PGBD5: variants seen among roughly 807,000 people sequenced by gnomAD.
The protein encoded by PGBD5 is piggyBac transposable element derived 5.
PGBD5 carries 14 observed loss-of-function variants against 47.9 expected under a neutral mutation model. The ratio of observed to expected loss-of-function variants is 0.29; its 90% CI spans 0.19 to 0.46. The LOEUF is 0.46. Ranked by LOEUF, PGBD5 falls within the 20% of genes least tolerant of loss-of-function variation. The probability of loss-of-function intolerance (pLI) is 1.00; values close to 1 mark genes in which losing one functional copy is unlikely to be tolerated. For missense variants in PGBD5, 635 were observed against 716.0 expected (o/e 0.89, Z 1.29); for synonymous variants, 316 against 306.3 (o/e 1.03, Z -0.33).
At chr1:230,361,823 C>T (rs1261825866) in intron 1 of PGBD5, among the ~76,000 whole-genome samples, 1 of 152,236 alleles carries the variant, frequency 6.6e-6, no homozygotes, top group Non-Finnish European at 1.5e-5. Flanking sequence ...AGAGCTGTGC[C>T]TACAAGAAGG....
chr1:230,345,759 T>C (rs1308884389), intron 3 of PGBD5, among the ~76,000 whole-genome samples: 13 of 152,250 alleles, frequency 8.5e-5, no homozygotes, highest in Admixed American at 8.5e-4. Context: ...TAAACAACCA[T>C]GAAATATTCA....
intron 1 of PGBD5, among the ~76,000 whole-genome samples, chr1:230,372,275 G>A (rs142281609): frequency 1.3e-5 from 2 of 152,332 alleles, no homozygotes; most frequent in African/African-American, 4.8e-5. Flanking sequence ...TTACAGAGCA[G>A]TTTCGTTGCT....
intron 1 of PGBD5, among the ~76,000 whole-genome samples, chr1:230,417,869 G>A (rs146190813): frequency 3.0e-4 from 46 of 152,338 alleles, no homozygotes; most frequent in African/African-American, 1.0e-3. Flanking sequence ...ATTAATAGGA[G>A]GCACATCTCA....
chr1:230,339,445 T>C (rs1667377664), intron 3 of PGBD5, among the ~76,000 whole-genome samples: 2 of 152,190 alleles, frequency 1.3e-5, no homozygotes, highest in African/African-American at 4.8e-5. Flanking sequence ...GCAAACAGTA[T>C]GGAAGTTCCT....
chr1:230,368,367 A>G (rs1030179386), intron 1 of PGBD5, among the ~76,000 whole-genome samples: 1 of 152,262 alleles, frequency 6.6e-6, no homozygotes. Context: ...GCTAAAGTGC[A>G]AACATGAAAT....
At chr1:230,324,008 G>C (rs1667077505) in intron 6 of PGBD5, among the ~76,000 whole-genome samples, 1 of 152,188 alleles carries the variant, frequency 6.6e-6, no homozygotes, top group Non-Finnish European at 1.5e-5. Context: ...CTCCCCCAAG[G>C]CCAAGCTCTT....
intron 4 of PGBD5, among the ~76,000 whole-genome samples, chr1:230,335,208 C>T (rs1667286479): frequency 1.5e-4 from 2 of 13,266 alleles, no homozygotes; most frequent in African/African-American, 6.7e-4. Context: ...CACAGATATA[C>T]AGACAGACAC....
chr1:230,385,312 G>T (rs1028627469), intron 1 of PGBD5, among the ~76,000 whole-genome samples: 2 of 152,200 alleles, frequency 1.3e-5, no homozygotes, highest in Non-Finnish European at 2.9e-5. Context: ...GCAAGTAATT[G>T]CCTTGTTTTT....
Position 230,425,659 on chromosome 1 carries a change from G to A in PGBD5, c.270C>T (p.Ala90=), listed in dbSNP as rs1010817640. The A allele has an allele frequency of 4.4e-5, 54 of 1,219,650 alleles. No homozygotes were observed. Among genetic ancestry groups the A allele is most frequent in the Middle Eastern group, 3.2e-4 (1 of 3,160 alleles). The allele number at this position is 1,219,650 out of a possible 1,614,324, so 75.6% of individuals were successfully genotyped here. ...PDAQEPEEDE[A]GAGWSAALRD... ...GCAGCGCTGCGCTCCAGCCCGCGCCGGCCTCGTCCTCCTCCGGCTCCTGTG... is the reference window on the plus strand; with the variant it reads ...GCAGCGCTGCGCTCCAGCCCGCGCCAGCCTCGTCCTCCTCCGGCTCCTGTG... Residue 90 remains alanine, a synonymous_variant, in exon 1 of 7, where the codon GCC becomes GCT. Coordinates refer to ENST00000391860, the MANE Select transcript of PGBD5 (RefSeq NM_001258311.2). The surrounding 1 kb of genome is among the most constrained non-coding windows in gnomAD (Gnocchi z 4.7).
chr1:230,325,237 T>C, intron 6 of PGBD5, 73 bp downstream of exon 6: 6 of 1,099,250 alleles, frequency 5.5e-6, no homozygotes, highest in Non-Finnish European at 8.1e-6. Context: ...CTAGTGATCA[T>C]CTGCCATTAC....
intron 3 of PGBD5, among the ~76,000 whole-genome samples, chr1:230,345,042 G>C (rs1189102629): frequency 4.6e-5 from 7 of 152,190 alleles, no homozygotes; most frequent in African/African-American, 1.4e-4. Context: ...TGCTGCAGAG[G>C]CAGGTGCCTG....
chr1:230,422,435 G>A (rs1055077518), intron 1 of PGBD5, among the ~76,000 whole-genome samples: 8 of 152,000 alleles, frequency 5.3e-5, no homozygotes, highest in Non-Finnish European at 1.5e-5. Context: ...GCTTGAGGGG[G>A]CTATTTTGGG....
At chr1:230,373,422 A>G (rs78441427) in intron 1 of PGBD5, among the ~76,000 whole-genome samples, 7,052 of 152,168 alleles carry the variant, frequency 0.046, 185 homozygotes, top group South Asian at 0.072. Context: ...GTGACTGCTG[A>G]GCGATAACTG....
chr1:230,395,927 A>C (rs1006394878), intron 1 of PGBD5, among the ~76,000 whole-genome samples: 1 of 11,688 alleles, frequency 8.6e-5, no homozygotes, highest in Non-Finnish European at 1.4e-4. Flanking sequence ...GCTCCTCCCC[A>C]TCCCTGAGCT....
chr1:230,400,272 A>G (rs973123319), intron 1 of PGBD5, among the ~76,000 whole-genome samples: 1 of 152,190 alleles, frequency 6.6e-6, no homozygotes, highest in African/African-American at 2.4e-5. Context: ...AGCTTTGCTC[A>G]AATCTTACCT....
intron 2 of PGBD5, among the ~76,000 whole-genome samples, chr1:230,351,594 T>A (rs1431650553): frequency 6.6e-6 from 1 of 152,168 alleles, no homozygotes; most frequent in East Asian, 1.9e-4. Context: ...TTCTGTCCAG[T>A]GAGAAACAAA....
At chr1:230,377,532 G>C (rs758104664) in intron 1 of PGBD5, 1 of 1,612,234 alleles carries the variant, frequency 6.2e-7, no homozygotes, top group Non-Finnish European at 8.5e-7. Context: ...GATCCCGGCC[G>C]GGCACTATGC....
chr1:230,326,803 G>A (rs897949779), intron 5 of PGBD5, among the ~76,000 whole-genome samples: 12 of 152,156 alleles, frequency 7.9e-5, no homozygotes, highest in Non-Finnish European at 4.4e-5. Flanking sequence ...AGAAGAAGGA[G>A]GAGGTTGTCC....
chr1:230,327,937 A>G (rs1667148794), intron 5 of PGBD5, among the ~76,000 whole-genome samples: 1 of 152,178 alleles, frequency 6.6e-6, no homozygotes, highest in African/African-American at 2.4e-5. Flanking sequence ...CTCCAATGAC[A>G]ACCTTCTCTG....
Sources: allele counts gnomAD v4.1 joint callset (sites outside exome capture counted in the v4.1 genomes callset), GRCh38; gene constraint gnomAD v4.1.1; non-coding constraint Gnocchi (gnomAD v3.1); transcripts MANE v1.5; gene names NCBI Gene and HGNC (gene_info 2026-07-23, HGNC 2026-07-21).